The following CTDSPL variants were observed in gnomAD, a reference collection of about 807,000 sequenced individuals.
CTDSPL encodes the protein CTD small phosphatase like.
Under a neutral mutation model 30.5 loss-of-function variants are expected in CTDSPL, and 8 were observed. The ratio of observed to expected loss-of-function variants is 0.26; its 90% CI spans 0.15 to 0.47. The LOEUF is 0.47. Ranked by LOEUF, CTDSPL falls within the 20% of genes least tolerant of loss-of-function variation. The pLI is 0.99. For synonymous variants in CTDSPL, 110 were observed against 137.9 expected, an observed-to-expected ratio of 0.80 and a Z score of 1.42; for missense variants, 248 against 366.1, an observed-to-expected ratio of 0.68 and a Z score of 2.63.
intron 3 of CTDSPL, among the ~76,000 whole-genome samples, chr3:37,960,759 G>GT: frequency 6.6e-6 from 1 of 151,710 alleles, no homozygotes; most frequent in South Asian, 2.1e-4. Context: ...ACAAAGATTG[G>GT]TATCAGTTTA....
Position 37,981,771 on chromosome 3 carries a change from C to T in CTDSPL, c.*904C>T, listed in dbSNP as rs1319049850. 1 of 455,320 alleles carries T rather than the reference C, an allele frequency of 2.2e-6. No individual in the cohort carries two copies. The highest frequency in any genetic ancestry group is 4.4e-6 in the Non-Finnish European group (1 of 226,550). The allele number at this position is 455,320 out of a possible 1,614,324, so 28.2% of individuals were successfully genotyped here. On this transcript the variant is annotated 3_prime_UTR_variant, in exon 8 of 8. Coordinates refer to ENST00000273179, the MANE Select transcript of CTDSPL (RefSeq NM_001008392.2). ...AGCAGTTACAAGAAACCCTAAAACC[C>T]TTGGATATAAAAGAAATCTGTTTAT...
At chr3:37,968,323 GT>G in intron 5 of CTDSPL, 2 of 427,426 alleles carry the variant, frequency 4.7e-6, no homozygotes, top group South Asian at 1.7e-5. Context: ...TTCCTGCATC[GT>G]TTTCTCCAGA....
At chr3:37,977,896 C>CA (rs1384083001) in intron 7 of CTDSPL, among the ~76,000 whole-genome samples, 3 of 150,512 alleles carry the variant, frequency 2.0e-5, no homozygotes, top group Non-Finnish European at 4.4e-5. Context: ...GACCCTATCC[C>CA]AAAAAAAAGA....
chr3:37,905,697 G>A (rs1698507457), intron 1 of CTDSPL, among the ~76,000 whole-genome samples: 1 of 152,200 alleles, frequency 6.6e-6, no homozygotes, highest in African/African-American at 2.4e-5. Flanking sequence ...GTTTTATTCT[G>A]AGTTGTGGTT....
At chr3:37,876,537 G>C (rs551811439) in intron 1 of CTDSPL, among the ~76,000 whole-genome samples, 80 of 152,240 alleles carry the variant, frequency 5.3e-4, no homozygotes, top group Middle Eastern at 3.4e-3. Context: ...TCTCATCATA[G>C]TTTCATTTTG....
chr3:37,921,594 A>G (rs1473366310), intron 1 of CTDSPL, among the ~76,000 whole-genome samples: 1 of 144,806 alleles, frequency 6.9e-6, no homozygotes, highest in African/African-American at 2.6e-5. Flanking sequence ...GATATAAGAA[A>G]CAACCCTAAC....
chr3:37,886,472 C>T (rs1698264791), intron 1 of CTDSPL, among the ~76,000 whole-genome samples: 2 of 152,244 alleles, frequency 1.3e-5, no homozygotes, highest in South Asian at 2.1e-4. Context: ...TTTGCCCTTC[C>T]AGTTACTCAT....
chr3:37,942,178 A>G (rs1296292143), intron 1 of CTDSPL, among the ~76,000 whole-genome samples: 2 of 150,272 alleles, frequency 1.3e-5, no homozygotes, highest in Admixed American at 1.3e-4. Flanking sequence ...TTGCTTTCTG[A>G]ATTACAGTTT....
At chr3:37,976,958 A>G (rs772277368) in intron 7 of CTDSPL, among the ~76,000 whole-genome samples, 2 of 152,170 alleles carry the variant, frequency 1.3e-5, no homozygotes, top group Non-Finnish European at 2.9e-5. Flanking sequence ...CCTCTCAAGC[A>G]CAGGCTTCTC....
At chr3:37,945,373 T>C (rs1699023757) in intron 1 of CTDSPL, among the ~76,000 whole-genome samples, 1 of 133,750 alleles carries the variant, frequency 7.5e-6, no homozygotes, top group Admixed American at 7.5e-5. Flanking sequence ...TGGGTTTGAA[T>C]CTGGCAAAGG....
At chr3:37,890,034 CAG>C (rs1425976233) in intron 1 of CTDSPL, among the ~76,000 whole-genome samples, 2 of 152,194 alleles carry the variant, frequency 1.3e-5, no homozygotes, top group South Asian at 4.1e-4. Context: ...AAATAAAAAA[CAG>C]AGAAACAGAA....
chr3:37,886,323 C>T (rs1249128026), intron 1 of CTDSPL, among the ~76,000 whole-genome samples: 3 of 152,118 alleles, frequency 2.0e-5, no homozygotes, highest in African/African-American at 4.8e-5. Context: ...TCCCATTTCC[C>T]TCCCGACCCA....
intron 1 of CTDSPL, among the ~76,000 whole-genome samples, chr3:37,910,576 G>A (rs1003195382): frequency 1.8e-4 from 27 of 152,144 alleles, no homozygotes; most frequent in African/African-American, 6.0e-4. Context: ...AGGTAATTTG[G>A]TAAAATTTCT....
chr3:37,877,483 TG>T (rs1391624056), intron 1 of CTDSPL, among the ~76,000 whole-genome samples: 1 of 152,238 alleles, frequency 6.6e-6, no homozygotes, highest in Non-Finnish European at 1.5e-5. Flanking sequence ...ATGCCACCTT[TG>T]CCTATCCATT....
chr3:37,962,464 G>C (rs915172170), intron 3 of CTDSPL, among the ~76,000 whole-genome samples: 5 of 152,090 alleles, frequency 3.3e-5, no homozygotes, highest in Non-Finnish European at 4.4e-5. Context: ...CTCTTAGATC[G>C]TACCATGAGG....
At chr3:37,895,128 A>G (rs910241684) in intron 1 of CTDSPL, among the ~76,000 whole-genome samples, 1 of 152,144 alleles carries the variant, frequency 6.6e-6, no homozygotes, top group African/African-American at 2.4e-5. Flanking sequence ...GACATTGTGC[A>G]TATTACATTG....
At chr3:37,887,344 A>G (rs1698274951) in intron 1 of CTDSPL, among the ~76,000 whole-genome samples, 1 of 152,144 alleles carries the variant, frequency 6.6e-6, no homozygotes, top group Non-Finnish European at 1.5e-5. Flanking sequence ...TCTGCACCCA[A>G]GTAAACCCAA....
At chr3:37,938,611 G>A (rs1369694135) in intron 1 of CTDSPL, among the ~76,000 whole-genome samples, 2 of 149,892 alleles carry the variant, frequency 1.3e-5, no homozygotes, top group East Asian at 3.9e-4. Flanking sequence ...GCCACTGAAG[G>A]ACCAAGCCCC....
chr3:37,880,399 C>T (rs116524331), intron 1 of CTDSPL, among the ~76,000 whole-genome samples: 1,606 of 152,256 alleles, frequency 0.011, 34 homozygotes, highest in South Asian at 0.078. Context: ...TTCAGATTTA[C>T]ATCTTGAAAG....
Sources: gnomAD v4.1 joint callset for allele counts (sites outside exome capture counted in the v4.1 genomes callset) on GRCh38, gnomAD v4.1.1 for gene constraint, MANE v1.5 for transcripts, NCBI Gene and HGNC (gene_info 2026-07-23, HGNC 2026-07-21) for gene names.